RAB2A: variants seen among roughly 807,000 people sequenced by gnomAD.
RAB2A encodes the protein ras-related protein Rab-2A.
A neutral mutation model predicts 32.5 loss-of-function variants in RAB2A; 7 were observed. The ratio of observed to expected loss-of-function variants is 0.22; its 90% confidence interval spans 0.12 to 0.40. The LOEUF is 0.40. Among genes scored for constraint, RAB2A ranks in the 10% least tolerant of loss-of-function variants. RAB2A has a pLI of 1.00. For missense variants in RAB2A, 108 were observed against 260.7 expected (o/e 0.41, Z 4.03); for synonymous variants, 79 against 85.2 (o/e 0.93, Z 0.40).
At chr8:60,613,251 A>G (rs1476113547) in intron 6 of RAB2A, among the ~76,000 whole-genome samples, 1 of 152,120 alleles carries the variant, frequency 6.6e-6, no homozygotes, top group Non-Finnish European at 1.5e-5. Flanking sequence ...GCACATACAC[A>G]TTTAGCACCA....
intron 5 of RAB2A, 21 bp from the exon 6 acceptor site, chr8:60,591,837 C>T (rs1281817053): frequency 6.8e-7 from 1 of 1,464,202 alleles, no homozygotes; most frequent in Non-Finnish European, 9.6e-7. Flanking sequence ...AGTAATGTGA[C>T]CCTTTCTTTC....
intron 1 of RAB2A, among the ~76,000 whole-genome samples, chr8:60,547,187 A>T (rs1380996753): frequency 6.6e-6 from 1 of 151,982 alleles, no homozygotes; most frequent in Admixed American, 6.6e-5. Flanking sequence ...GATACAGCAC[A>T]TGTTTCAGAG....
chr8:60,555,235 C>G (rs1448142675), intron 1 of RAB2A, among the ~76,000 whole-genome samples: 1 of 152,016 alleles, frequency 6.6e-6, no homozygotes, highest in Non-Finnish European at 1.5e-5. Flanking sequence ...TTTGGTCTTT[C>G]AAAACTAGAC....
At chr8:60,595,170 G>A (rs1435757632) in intron 6 of RAB2A, among the ~76,000 whole-genome samples, 7 of 152,008 alleles carry the variant, frequency 4.6e-5, no homozygotes, top group Non-Finnish European at 8.8e-5. Flanking sequence ...CATAAAGGAA[G>A]AAAAAAACAT....
At chr8:60,524,048 C>T (rs1009668370) in intron 1 of RAB2A, among the ~76,000 whole-genome samples, 2 of 152,140 alleles carry the variant, frequency 1.3e-5, no homozygotes, top group African/African-American at 4.8e-5. Context: ...CTTCCTCCCC[C>T]TAATATTTAT....
intron 3 of RAB2A, among the ~76,000 whole-genome samples, chr8:60,581,124 C>T (rs1475616937): frequency 6.6e-6 from 1 of 152,166 alleles, no homozygotes; most frequent in Non-Finnish European, 1.5e-5. Context: ...TTTTCGATCC[C>T]ATAACAGAGA....
At chr8:60,517,771 A>C (rs370645807) in intron 1 of RAB2A, among the ~76,000 whole-genome samples, 2 of 152,146 alleles carry the variant, frequency 1.3e-5, no homozygotes, top group South Asian at 2.1e-4. Flanking sequence ...AGAAAGAGAA[A>C]AGGAAACCTT....
At chr8:60,576,131 A>G (rs1803620469) in intron 3 of RAB2A, 3 of 439,420 alleles carry the variant, frequency 6.8e-6, no homozygotes, top group Admixed American at 4.8e-5. Flanking sequence ...ATAAGAGTCT[A>G]TCAGTGCCTC....
intron 3 of RAB2A, among the ~76,000 whole-genome samples, chr8:60,581,321 A>C (rs1803746381): frequency 6.6e-6 from 1 of 152,218 alleles, no homozygotes; most frequent in Admixed American, 6.5e-5. Flanking sequence ...TTCAGAGAAG[A>C]AGTGCTCAAC....
intron 6 of RAB2A, among the ~76,000 whole-genome samples, chr8:60,592,393 G>A (rs1203142206): frequency 1.3e-5 from 2 of 152,122 alleles, no homozygotes; most frequent in Admixed American, 1.3e-4. Context: ...CGTGTTGCAT[G>A]GTAGGGAAAT....
intron 5 of RAB2A, among the ~76,000 whole-genome samples, chr8:60,590,815 G>C (rs1803930466): frequency 6.6e-6 from 1 of 151,338 alleles, no homozygotes; most frequent in African/African-American, 2.4e-5. Context: ...AGCTACATCT[G>C]AATTTTTAAA....
chr8:60,547,790 G>A (rs1310505126), intron 1 of RAB2A, among the ~76,000 whole-genome samples: 1 of 118,794 alleles, frequency 8.4e-6, no homozygotes, highest in East Asian at 2.7e-4. Context: ...GGGCAGAGGC[G>A]CCCCTCACTT....
In RAB2A at chr8:60,584,835, G is replaced by A; in HGVS notation, c.362+20G>A. The A allele has an allele frequency of 1.3e-6, 2 of 1,540,254 alleles. No homozygotes were observed. Among genetic ancestry groups the A allele is most frequent in the Non-Finnish European group, 1.8e-6 (2 of 1,114,208 alleles). ...TAAAAGGTAAAAAGGCTAATTTAGA[G>A]CTTACATTGCATTAGTGATGAAGAC... is the stretch of plus-strand genomic sequence containing the variant. On this transcript the variant is annotated intron_variant, in intron 5 of 7. Transcript: ENST00000262646.
chr8:60,563,550 A>G lies in RAB2A; in HGVS notation c.118+4627A>G, dbSNP rs183599091. 1.5e-3 allele frequency among the ~76,000 whole-genome samples: 235 copies of G among 152,120 alleles called. 1 individual carries two copies. Among genetic ancestry groups the G allele is most frequent in the Non-Finnish European group, 2.8e-3 (188 of 67,982 alleles). ...TTTATGTGCTTTGCCTTGTGCACAC[A>G]TCCTGGCCTCTCAGTGGCTTTACTT... On this transcript the variant is annotated intron_variant, in intron 2 of 7. Transcript: ENST00000262646.
chr8:60,555,720 A>G (rs949279384), intron 1 of RAB2A, among the ~76,000 whole-genome samples: 6 of 152,236 alleles, frequency 3.9e-5, no homozygotes, highest in African/African-American at 1.4e-4. Flanking sequence ...GCTGGTGAGG[A>G]TTCAGAGAAA....
chr8:60,573,192 C>G (rs183593564), intron 3 of RAB2A, among the ~76,000 whole-genome samples: 83 of 152,328 alleles, frequency 5.4e-4, no homozygotes, highest in Admixed American at 1.7e-3. Flanking sequence ...TAATTCTTCA[C>G]AGAACCCCAG....
chr8:60,543,713 T>C (rs1807682104), intron 1 of RAB2A, among the ~76,000 whole-genome samples: 1 of 152,138 alleles, frequency 6.6e-6, no homozygotes, highest in African/African-American at 2.4e-5. Flanking sequence ...AAGGGGATAA[T>C]GTACGGCGAA....
At chr8:60,581,143 G>T (rs777034183) in intron 3 of RAB2A, among the ~76,000 whole-genome samples, 4 of 152,192 alleles carry the variant, frequency 2.6e-5, no homozygotes, top group Non-Finnish European at 5.9e-5. Flanking sequence ...GACGGCTGCA[G>T]TTTAAGCATC....
At chr8:60,556,641 TA>T (rs11393857) in intron 1 of RAB2A, among the ~76,000 whole-genome samples, 24,798 of 106,742 alleles carry the variant, frequency 0.23, 2,381 homozygotes, top group African/African-American at 0.33. Flanking sequence ...CTCTTTTTAA[TA>T]AAAAAAAAAA....
Sources: allele counts gnomAD v4.1 joint callset (sites outside exome capture counted in the v4.1 genomes callset), GRCh38; gene constraint gnomAD v4.1.1; transcripts MANE v1.5; gene names NCBI Gene and HGNC (gene_info 2026-07-23, HGNC 2026-07-21).